The following ALK variants were observed in gnomAD, a reference collection of about 807,000 sequenced individuals.
The protein encoded by ALK is ALK receptor tyrosine kinase, also known as ALK tyrosine kinase receptor.
In ALK, 74 loss-of-function variants were observed where a neutral mutation model predicts 163.1. The observed-to-expected ratio is 0.45, with a 90% CI of 0.38 to 0.55. The LOEUF (loss-of-function observed/expected upper bound fraction) is 0.55, where lower values mean the gene tolerates loss of function less well. Ranked by LOEUF, ALK falls within the 20% of genes least tolerant of loss-of-function variation. The probability of loss-of-function intolerance (pLI) is 0.00; values close to 1 mark genes in which losing one functional copy is unlikely to be tolerated. For synonymous variants in ALK, 960 were observed against 843.2 expected (o/e 1.14, Z -2.40); for missense variants, 2,063 against 2,105.3 (o/e 0.98, Z 0.39).
chr2:29,518,165 C>T (rs1475097744), intron 4 of ALK, among the ~76,000 whole-genome samples: 2 of 152,166 alleles, frequency 1.3e-5, no homozygotes, highest in Admixed American at 6.5e-5. Flanking sequence ...TTTTAAATAA[C>T]GCATCTAAAT....
chr2:29,487,127 G>C (rs1272479233), intron 4 of ALK, among the ~76,000 whole-genome samples: 1 of 152,178 alleles, frequency 6.6e-6, no homozygotes, highest in East Asian at 1.9e-4. Context: ...TAATTAACAA[G>C]CGATACTCTA....
intron 1 of ALK, among the ~76,000 whole-genome samples, chr2:29,770,022 T>G (rs1446284291): frequency 6.6e-6 from 1 of 152,164 alleles, no homozygotes; most frequent in African/African-American, 2.4e-5. Flanking sequence ...GAAGCCTTGA[T>G]GAAAGTTCAT....
intron 4 of ALK, among the ~76,000 whole-genome samples, chr2:29,394,854 C>CA: frequency 6.6e-6 from 1 of 152,116 alleles, no homozygotes; most frequent in Admixed American, 6.5e-5. Flanking sequence ...TCTTTCAAGC[C>CA]AAGTCAATGC....
At chr2:29,634,501 T>C (rs1404500282) in intron 3 of ALK, among the ~76,000 whole-genome samples, 3 of 152,122 alleles carry the variant, frequency 2.0e-5, no homozygotes, top group African/African-American at 7.2e-5. Context: ...TAATGTACCA[T>C]ATTGACAAGC....
chr2:29,619,015 C>T (rs78229958), intron 3 of ALK, among the ~76,000 whole-genome samples: 2,278 of 145,650 alleles, frequency 0.016, 60 homozygotes, highest in African/African-American at 0.053. Context: ...AAAAAAAACA[C>T]TTGAAAAATA....
Position 29,228,924 on chromosome 2 carries a change from T to TTCC in ALK, c.2774_2775insGGA (p.Gly925_Gly926insGlu). The stretch of plus-strand genomic sequence containing the variant: ...CTCCTCCACCTGAGGAGCACCCCCC[T>TTCC]CCACCCCCTCCGAAACCCCCTCTTG... On this transcript the variant is annotated inframe_insertion, in exon 16 of 29. Coordinates refer to ENST00000389048, the MANE Select transcript of ALK (RefSeq NM_004304.5). 2 of 541,046 alleles carry TTCC rather than the reference T, an allele frequency of 3.7e-6. No individual in the cohort carries two copies. The highest frequency in any genetic ancestry group is 3.2e-5 in the South Asian group (1 of 31,144). The allele number at this position is 541,046 out of a possible 1,614,324, so 33.5% of individuals were successfully genotyped here.
chr2:29,858,059 ATG>A (rs67913585), intron 1 of ALK, among the ~76,000 whole-genome samples: 119,213 of 151,616 alleles, frequency 0.79, 47,020 homozygotes, highest in Non-Finnish European at 0.82. Flanking sequence ...GTGTGTGTGC[ATG>A]TGTGTGTGTG....
chr2:29,193,028 C>T lies in ALK; in HGVS notation c.*196G>A. 6.4e-6 allele frequency: 4 copies of T among 623,544 alleles called. No individual in the cohort carries two copies. Among genetic ancestry groups the T allele is most frequent in the South Asian group, 1.9e-5 (1 of 51,568 alleles). The allele number at this position is 623,544 out of a possible 1,614,324, so 38.6% of individuals were successfully genotyped here. The stretch of plus-strand genomic sequence containing the variant: ...TCATTTTTATGATATTTTCTTCTTT[C>T]GAAAGAATAGGATGAACCCATGCTC... On this transcript the variant is annotated 3_prime_UTR_variant, in exon 29 of 29. Transcript: ENST00000389048.
intron 4 of ALK, 141 bp downstream of exon 4, chr2:29,531,774 T>C (rs1673125328): frequency 5.8e-6 from 5 of 856,904 alleles, no homozygotes; most frequent in Admixed American, 2.0e-5. Context: ...TAAGGGATAT[T>C]AGTAGTAATT....
chr2:29,704,135 C>T (rs745402083), intron 2 of ALK, among the ~76,000 whole-genome samples: 9 of 151,588 alleles, frequency 5.9e-5, no homozygotes, highest in Admixed American at 5.2e-4. Context: ...CATGCATACA[C>T]GGCAATTCTC....
intron 3 of ALK, among the ~76,000 whole-genome samples, 190 bp downstream of exon 3, chr2:29,694,660 T>A (rs972988408): frequency 7.2e-5 from 11 of 152,236 alleles, no homozygotes; most frequent in African/African-American, 2.7e-4. Context: ...TTTGGGCTGA[T>A]CTTGAGATGG....
At chr2:29,369,921 GA>G in intron 5 of ALK, among the ~76,000 whole-genome samples, 1 of 152,184 alleles carries the variant, frequency 6.6e-6, no homozygotes, top group African/African-American at 2.4e-5. Flanking sequence ...ATAGAATGGA[GA>G]AAAAGGCCAC....
chr2:29,847,275 G>A (rs912922516), intron 1 of ALK, among the ~76,000 whole-genome samples: 2 of 152,154 alleles, frequency 1.3e-5, no homozygotes, highest in Non-Finnish European at 2.9e-5. Context: ...GGAAAGTCGG[G>A]GAATAGGGTG....
chr2:29,521,567 T>A (rs576446326), intron 4 of ALK, among the ~76,000 whole-genome samples: 23 of 152,028 alleles, frequency 1.5e-4, no homozygotes, highest in Non-Finnish European at 2.6e-4. Flanking sequence ...AAGCAAGGAG[T>A]TTAGCCAGGC....
chr2:29,907,809 C>G (rs1447553833), intron 1 of ALK, among the ~76,000 whole-genome samples: 1 of 152,160 alleles, frequency 6.6e-6, no homozygotes, highest in Non-Finnish European at 1.5e-5. Flanking sequence ...ATGTGCATCC[C>G]AGATACCCTC....
At chr2:29,307,902 T>C (rs1438576568) in intron 8 of ALK, among the ~76,000 whole-genome samples, 1 of 152,222 alleles carries the variant, frequency 6.6e-6, no homozygotes, top group Non-Finnish European at 1.5e-5. Context: ...TACCACTTAA[T>C]GTTTCTTTTC....
At chr2:29,733,921 G>GA (rs1204888416) in intron 1 of ALK, among the ~76,000 whole-genome samples, 1 of 152,152 alleles carries the variant, frequency 6.6e-6, no homozygotes, top group Non-Finnish European at 1.5e-5. Context: ...GTGGCCTGTA[G>GA]ATCCTGGCAG....
At chr2:29,888,246 G>T (rs114485781) in intron 1 of ALK, among the ~76,000 whole-genome samples, 1,069 of 31,380 alleles carry the variant, frequency 0.034, 6 homozygotes, top group Non-Finnish European at 0.061. Context: ...CCAATAAATT[G>T]TTTTTTTTTT....
At chr2:29,532,200 G>T in intron 3 of ALK, 84 bp from the exon 4 acceptor site, 1 of 1,321,448 alleles carries the variant, frequency 7.6e-7, no homozygotes, top group Non-Finnish European at 1.1e-6. Flanking sequence ...AGAGACAAAT[G>T]GCATCAAAAT....
Sources: gnomAD v4.1 joint callset for allele counts (sites outside exome capture counted in the v4.1 genomes callset) on GRCh38, gnomAD v4.1.1 for gene constraint, MANE v1.5 for transcripts, NCBI Gene and HGNC (gene_info 2026-07-23, HGNC 2026-07-21) for gene names.